Variants in SLC45A4 observed in about 807,000 individuals in gnomAD.
The protein encoded by SLC45A4 is solute carrier family 45 member 4.
A neutral mutation model predicts 63.7 loss-of-function variants in SLC45A4; 32 were observed. That is an observed-to-expected ratio of 0.50 (90% confidence interval 0.38 to 0.67). The LOEUF is 0.67. Ranked by LOEUF, SLC45A4 falls within the 30% of genes least tolerant of loss-of-function variation. The pLI, the probability that SLC45A4 is intolerant of heterozygous loss-of-function variation, is 0.00. For synonymous variants in SLC45A4, 535 were observed against 510.0 expected, an observed-to-expected ratio of 1.05 and a Z score of -0.66; for missense variants, 1,027 against 1,157.7, an observed-to-expected ratio of 0.89 and a Z score of 1.64.
At position 141,278,963 on chromosome 8, in the gene SLC45A4, GC is replaced by G. The variant is rs983662534; in HGVS notation, c.-400-24335del. On this transcript the variant is annotated intron_variant, in intron 1 of 8. Transcript: ENST00000517878. The surrounding 1 kb of genome is among the most constrained non-coding windows in gnomAD (Gnocchi z 4.1). ...TCCCCTTCAAGGCCAGACAAGCAAA[GC>G]CCCAGCCCCCACCTTGGCCCCCAGC... Among the ~76,000 whole-genome samples the G allele has an allele frequency of 2.6e-5, 4 of 152,182 alleles. No individual in the cohort carries two copies. The highest frequency in any genetic ancestry group is 2.0e-4 in the Admixed American group (3 of 15,282).
At chr8:141,265,379 G>A (rs1829224627) in intron 1 of SLC45A4, among the ~76,000 whole-genome samples, 1 of 152,246 alleles carries the variant, frequency 6.6e-6, no homozygotes, top group Non-Finnish European at 1.5e-5. Context: ...GAGAAGAGAA[G>A]GGAGGAGTGT....
intron 3 of SLC45A4, 72 bp downstream of exon 3, chr8:141,221,505 A>T: frequency 3.3e-6 from 5 of 1,515,224 alleles, no homozygotes; most frequent in Admixed American, 2.0e-5. Context: ...TTCAGCTTTT[A>T]ATGAGAGGAG....
At chr8:141,224,093 A>G (rs1233371403) in intron 2 of SLC45A4, among the ~76,000 whole-genome samples, 1 of 150,892 alleles carries the variant, frequency 6.6e-6, no homozygotes, top group Non-Finnish European at 1.5e-5. Context: ...TTACACTTAC[A>G]CTCTTGAAGA....
chr8:141,258,777 T>C (rs1165051712), intron 1 of SLC45A4, among the ~76,000 whole-genome samples: 2 of 151,738 alleles, frequency 1.3e-5, no homozygotes, highest in South Asian at 2.1e-4. Flanking sequence ...TATAGTCCCA[T>C]CTACTCAGGA....
At chr8:141,298,169 A>G (rs1290274948) in intron 1 of SLC45A4, among the ~76,000 whole-genome samples, 1 of 152,282 alleles carries the variant, frequency 6.6e-6, no homozygotes, top group African/African-American at 2.4e-5. Flanking sequence ...GACTAGTGAG[A>G]GTCAACAGAA....
intron 2 of SLC45A4, among the ~76,000 whole-genome samples, chr8:141,243,953 G>C (rs1346814835): frequency 6.6e-6 from 1 of 152,112 alleles, no homozygotes; most frequent in Non-Finnish European, 1.5e-5. Flanking sequence ...TATTGGTAAG[G>C]CTTCCAGTCA....
chr8:141,272,041 G>A (rs1029476897), intron 1 of SLC45A4, among the ~76,000 whole-genome samples: 5 of 152,024 alleles, frequency 3.3e-5, no homozygotes, highest in Non-Finnish European at 7.4e-5. Flanking sequence ...ATTCACACAC[G>A]TGTGCAACAC....
chr8:141,230,497 G>A (rs576721526), intron 2 of SLC45A4: 59 of 187,146 alleles, frequency 3.2e-4, no homozygotes, highest in Non-Finnish European at 5.0e-4. Flanking sequence ...CAGCAGCTCC[G>A]GTGGCCACGT....
Position 141,211,038 on chromosome 8 carries a change from TGAGCAGGC to T in SLC45A4, c.*526_*533del, listed in dbSNP as rs1330259503. On this transcript the variant is annotated 3_prime_UTR_variant, in exon 9 of 9. Coordinates refer to ENST00000517878, the MANE Select transcript of SLC45A4 (RefSeq NM_001286646.2). ...TGTCCCGATTCCAGCGTCGAGCAGG[TGAGCAGGC>T]GAGGAAGGCATGGAGTTCCGACAGG... 6.1e-6 allele frequency: 1 copy of T among 164,944 alleles called. No individual in the cohort carries two copies. Among genetic ancestry groups the T allele is most frequent in the Non-Finnish European group, 1.3e-5 (1 of 76,626 alleles). 10.2% of individuals were successfully genotyped at this position (164,944 alleles called of 1,614,324 possible). A position where few individuals can be genotyped will look rare whatever the true frequency, so the allele number is the denominator to read the frequency against.
At chr8:141,306,618 G>A (rs1318413203) in intron 1 of SLC45A4, among the ~76,000 whole-genome samples, 1 of 152,226 alleles carries the variant, frequency 6.6e-6, no homozygotes, top group Non-Finnish European at 1.5e-5. Context: ...TCCCTAACCT[G>A]TACACCAATA....
intron 1 of SLC45A4, among the ~76,000 whole-genome samples, chr8:141,307,743 G>A (rs945851139): frequency 6.6e-6 from 1 of 151,518 alleles, no homozygotes; most frequent in Non-Finnish European, 1.5e-5. Flanking sequence ...GGAACTGGGG[G>A]CGGGGAGGAC....
intron 2 of SLC45A4, among the ~76,000 whole-genome samples, chr8:141,239,192 T>C (rs951117639): frequency 6.6e-6 from 1 of 152,154 alleles, no homozygotes; most frequent in Non-Finnish European, 1.5e-5. Context: ...GAATTATTCC[T>C]GCCAAAAAGG....
chr8:141,213,471 C>T (rs1281579680), intron 7 of SLC45A4, among the ~76,000 whole-genome samples: 1 of 152,202 alleles, frequency 6.6e-6, no homozygotes, highest in African/African-American at 2.4e-5. Flanking sequence ...CATCAGTGTC[C>T]TTCTAAATAA....
At chr8:141,231,366 G>A (rs576487339) in intron 2 of SLC45A4, among the ~76,000 whole-genome samples, 213 of 152,338 alleles carry the variant, frequency 1.4e-3, no homozygotes, top group African/African-American at 4.8e-3. Flanking sequence ...TTGGTGGGGG[G>A]AGGACCATGA....
At chr8:141,272,666 C>T (rs945325078) in intron 1 of SLC45A4, among the ~76,000 whole-genome samples, 1 of 152,124 alleles carries the variant, frequency 6.6e-6, no homozygotes, top group African/African-American at 2.4e-5. Context: ...TAGGCCCTCA[C>T]CCCCCCTACT....
chr8:141,212,042 T>C, intron 8 of SLC45A4, 155 bp downstream of exon 8: 3 of 1,349,612 alleles, frequency 2.2e-6, no homozygotes, highest in South Asian at 2.1e-5. Flanking sequence ...ATTGTGGCTA[T>C]GGGGGCGGAG....
chr8:141,239,047 CCCGGCTG>C (rs1827769402), intron 2 of SLC45A4, among the ~76,000 whole-genome samples: 1 of 152,224 alleles, frequency 6.6e-6, no homozygotes, highest in South Asian at 2.1e-4. Context: ...AAATTAACCA[CCCGGCTG>C]CTGTGAGCCA....
At chr8:141,282,544 G>A (rs1181265336) in intron 1 of SLC45A4, among the ~76,000 whole-genome samples, 1 of 152,240 alleles carries the variant, frequency 6.6e-6, no homozygotes, top group Non-Finnish European at 1.5e-5. Context: ...ACCACTCAGG[G>A]CGCGCTGCGC....
rs899595223 is a variant in SLC45A4 at position 141,218,406 on chromosome 8, T to C, written c.1234A>G (p.Met412Val). ...CGGAACGCGTGCCGCCGCCGCCGCA[T>C]GGAGCTCGACGTGGCCGAGGGCTTC... Reference protein sequence around the residue: ...DTKPSATSSSMRRRRHAFRRQ... With the variant: ...DTKPSATSSSVRRRRHAFRRQ... Residue 412 changes from methionine to valine, a missense_variant, in exon 5 of 9, where the codon ATG becomes GTG. Met to Val is a conservative substitution (Grantham distance 21). Coordinates refer to ENST00000517878, the MANE Select transcript of SLC45A4 (RefSeq NM_001286646.2). 57 of 1,610,276 alleles carry C rather than the reference T, an allele frequency of 3.5e-5. No homozygotes were observed. Among genetic ancestry groups the C allele is most frequent in the Non-Finnish European group, 4.6e-5 (54 of 1,179,838 alleles).
Sources: allele counts gnomAD v4.1 joint callset (sites outside exome capture counted in the v4.1 genomes callset), GRCh38; gene constraint gnomAD v4.1.1; non-coding constraint Gnocchi (gnomAD v3.1); transcripts MANE v1.5; gene names NCBI Gene and HGNC (gene_info 2026-07-23, HGNC 2026-07-21).